Variants in SOX5 observed in about 807,000 individuals in gnomAD.
SOX5 encodes the protein SRY-box transcription factor 5.
SOX5 carries 9 observed loss-of-function variants against 92.0 expected under a neutral mutation model. The observed-to-expected ratio is 0.10, with a 90% CI of 0.06 to 0.17. The LOEUF is 0.17. SOX5 is among the 10% of genes least tolerant of loss of function. SOX5 has a pLI of 1.00. For missense variants in SOX5, 642 were observed against 944.5 expected, an observed-to-expected ratio of 0.68 and a Z score of 4.20; for synonymous variants, 344 against 336.3, an observed-to-expected ratio of 1.02 and a Z score of -0.25.
chr12:23,939,138 C>T (rs1210495700), intron 1 of SOX5, among the ~76,000 whole-genome samples: 2 of 150,834 alleles, frequency 1.3e-5, no homozygotes, highest in Non-Finnish European at 3.0e-5. Context: ...ATGGCTGAAA[C>T]CCAAACGATG....
intron 3 of SOX5, among the ~76,000 whole-genome samples, chr12:23,788,152 G>A (rs762599924): frequency 2.0e-5 from 3 of 151,676 alleles, no homozygotes; most frequent in African/African-American, 7.3e-5. Context: ...TGGAGTTACA[G>A]AAAGACAAAG....
At chr12:24,282,477 A>C (rs982550855) in intron 2 of SOX5, among the ~76,000 whole-genome samples, 12 of 151,966 alleles carry the variant, frequency 7.9e-5, no homozygotes, top group Non-Finnish European at 1.8e-4. Flanking sequence ...ATCTCAAAAC[A>C]ATGCGAGAAT....
intron 1 of SOX5, among the ~76,000 whole-genome samples, chr12:24,480,763 T>C (rs1264252341): frequency 6.6e-6 from 1 of 151,772 alleles, no homozygotes; most frequent in African/African-American, 2.4e-5. Context: ...TAACAAGTGC[T>C]AGCAAGGATT....
At chr12:23,655,637 A>G (rs2082211689) in intron 7 of SOX5, among the ~76,000 whole-genome samples, 2 of 152,116 alleles carry the variant, frequency 1.3e-5, no homozygotes, top group South Asian at 4.1e-4. Flanking sequence ...CTTTTGGCAG[A>G]CATCGTATAC....
intron 8 of SOX5, among the ~76,000 whole-genome samples, chr12:23,627,868 A>G (rs1179312982): frequency 1.3e-5 from 2 of 151,992 alleles, no homozygotes; most frequent in African/African-American, 4.8e-5. Context: ...CATGAAAGTT[A>G]TCTAACTGGT....
At chr12:23,981,921 G>A (rs1423270677) in intron 4 of SOX5, among the ~76,000 whole-genome samples, 1 of 152,022 alleles carries the variant, frequency 6.6e-6, no homozygotes, top group Admixed American at 6.6e-5. Context: ...AATATTGCAT[G>A]TGTCATTGTA....
chr12:24,552,102 T>C (rs1953247554), intron 1 of SOX5, among the ~76,000 whole-genome samples: 1 of 151,514 alleles, frequency 6.6e-6, no homozygotes, highest in Non-Finnish European at 1.5e-5. Context: ...AACCCCTAGA[T>C]TCCTTATGTC....
At chr12:24,537,675 TTA>T (rs1951758054) in intron 1 of SOX5, among the ~76,000 whole-genome samples, 1 of 152,242 alleles carries the variant, frequency 6.6e-6, no homozygotes, top group South Asian at 2.1e-4. Flanking sequence ...AATAAATCTC[TTA>T]TGTTTCCATG....
chr12:23,775,118 TAAAC>T (rs907981063), intron 3 of SOX5, among the ~76,000 whole-genome samples: 7 of 152,228 alleles, frequency 4.6e-5, no homozygotes, highest in African/African-American at 1.7e-4. Flanking sequence ...ACTAAGTCAT[TAAAC>T]AAATGCTCTA....
At chr12:23,671,232 G>C (rs1009768443) in intron 6 of SOX5, among the ~76,000 whole-genome samples, 1 of 152,078 alleles carries the variant, frequency 6.6e-6, no homozygotes, top group Non-Finnish European at 1.5e-5. Context: ...ATGTTAAAAT[G>C]AAAGGCAGCT....
At position 23,531,905 on chromosome 12, in the gene SOX5, G is replaced by C; in HGVS notation, c.*2314C>G. 6.6e-6 allele frequency: 1 copy of C among 150,396 alleles called. No individual in the cohort carries two copies. The highest frequency in any genetic ancestry group is 2.0e-4 in the East Asian group (1 of 5,112). The allele number at this position is 150,396 out of a possible 1,614,324, so 9.3% of individuals were successfully genotyped here. A position where few individuals can be genotyped will look rare whatever the true frequency, so the allele number is the denominator to read the frequency against. Reference sequence around the variant, plus strand: ...TAAAATTGTGGGTAAATGTGTGTGTGTGTGTGTATATGTGTGTATATATAT... The same window carrying C: ...TAAAATTGTGGGTAAATGTGTGTGTCTGTGTGTATATGTGTGTATATATAT... On this transcript the variant is annotated 3_prime_UTR_variant, in exon 15 of 15. Transcript: ENST00000451604.
At chr12:24,534,827 G>A (rs1029358638) in intron 1 of SOX5, among the ~76,000 whole-genome samples, 2 of 152,204 alleles carry the variant, frequency 1.3e-5, no homozygotes, top group Non-Finnish European at 2.9e-5. Context: ...GGTGGGAAAC[G>A]GGCATTCTGA....
At chr12:24,536,778 A>G (rs1951677856) in intron 1 of SOX5, among the ~76,000 whole-genome samples, 1 of 152,178 alleles carries the variant, frequency 6.6e-6, no homozygotes, top group Non-Finnish European at 1.5e-5. Flanking sequence ...TCATCACTAC[A>G]TTAAAATAAG....
intron 4 of SOX5, among the ~76,000 whole-genome samples, chr12:24,060,705 CA>C (rs1192785581): frequency 6.6e-6 from 1 of 152,196 alleles, no homozygotes. Context: ...TGGACCCACT[CA>C]AGCCAAACTA....
At chr12:23,807,243 T>A (rs7968921) in intron 3 of SOX5, among the ~76,000 whole-genome samples, 2 of 152,006 alleles carry the variant, frequency 1.3e-5, no homozygotes, top group African/African-American at 4.8e-5. Context: ...TATGGTTCGA[T>A]CTGTGTCCCT....
chr12:24,428,279 G>A (rs1038651652), intron 1 of SOX5, among the ~76,000 whole-genome samples: 2 of 150,092 alleles, frequency 1.3e-5, no homozygotes, highest in Non-Finnish European at 2.9e-5. Context: ...CAGTCTGAAC[G>A]ACTTGGGAAA....
At chr12:23,878,374 T>G (rs891491698) in intron 2 of SOX5, among the ~76,000 whole-genome samples, 3 of 152,060 alleles carry the variant, frequency 2.0e-5, no homozygotes, top group African/African-American at 7.2e-5. Context: ...ACTTTTTCCT[T>G]TCTAGACTTC....
rs2135792813 is a variant in SOX5, at chr12:23,530,800, T to TGTGTGTGTGTGTGTGTGTGTGTGTGTGC, written c.*3418_*3419insGCACACACACACACACACACACACACAC. 7.5e-6 allele frequency: 1 copy of TGTGTGTGTGTGTGTGTGTGTGTGTGTGC among 132,652 alleles called. No individual in the cohort carries two copies. The highest frequency in any genetic ancestry group is 2.8e-5 in the African/African-American group (1 of 35,134). The allele number at this position is 132,652 out of a possible 1,614,324, so 8.2% of individuals were successfully genotyped here. A position where few individuals can be genotyped will look rare whatever the true frequency, so the allele number is the denominator to read the frequency against. On this transcript the variant is annotated 3_prime_UTR_variant, in exon 15 of 15. Coordinates refer to ENST00000451604, the MANE Select transcript of SOX5 (RefSeq NM_006940.6). ...GATTATTTCTCAGTGTTGGGGCAAG[T>TGTGTGTGTGTGTGTGTGTGTGTGTGTGC]GTGTGTGTGTGTGTGTGTGCGCGCG... is the stretch of plus-strand genomic sequence containing the variant.
At chr12:24,359,286 A>G (rs999325677) in intron 2 of SOX5, among the ~76,000 whole-genome samples, 4 of 152,202 alleles carry the variant, frequency 2.6e-5, no homozygotes, top group Non-Finnish European at 4.4e-5. Flanking sequence ...TCAAAATATC[A>G]TTTTGATTAT....
Sources: allele counts gnomAD v4.1 joint callset (sites outside exome capture counted in the v4.1 genomes callset), GRCh38; gene constraint gnomAD v4.1.1; transcripts MANE v1.5; gene names NCBI Gene and HGNC (gene_info 2026-07-23, HGNC 2026-07-21).